The following NCALD variants were observed in gnomAD, a reference collection of about 807,000 sequenced individuals.
The protein encoded by NCALD is neurocalcin-delta.
NCALD carries 10 observed loss-of-function variants against 18.6 expected under a neutral mutation model. The ratio of observed to expected loss-of-function variants is 0.54; its 90% CI spans 0.33 to 0.91. The LOEUF (loss-of-function observed/expected upper bound fraction) is 0.91. Ranked by LOEUF, NCALD falls within the 40% of genes least tolerant of loss-of-function variation. The pLI, the probability that NCALD is intolerant of heterozygous loss-of-function variation, is 0.03. For missense variants in NCALD, 184 were observed against 247.6 expected, an observed-to-expected ratio of 0.74 and a Z score of 1.72; for synonymous variants, 88 against 87.4, an observed-to-expected ratio of 1.01 and a Z score of -0.04.
chr8:101,844,241 C>T (rs1814772366), intron 4 of NCALD, among the ~76,000 whole-genome samples: 1 of 152,178 alleles, frequency 6.6e-6, no homozygotes, highest in African/African-American at 2.4e-5. Context: ...TCCACTTTCC[C>T]TTGAGTTCCG....
rs73293354 is a variant in NCALD at position 101,987,302 on chromosome 8, C to T, written c.-157+32935G>A. Among the ~76,000 whole-genome samples, 1,139 of 152,256 alleles carry T rather than the reference C, an allele frequency of 7.5e-3. 16 individuals are homozygous for T. The highest frequency in any genetic ancestry group is 0.026 in the African/African-American group (1,075 of 41,554). ...CACGTTTGATTAATGTTTTTAAAGC[C>T]AATTTTTCCTGTGAAGAGTGACCTA... On this transcript the variant is annotated intron_variant, in intron 2 of 6. Coordinates refer to the NCALD transcript ENST00000311028.
chr8:101,809,202 T>G (rs1266868617), intron 4 of NCALD, among the ~76,000 whole-genome samples: 1 of 152,202 alleles, frequency 6.6e-6, no homozygotes, highest in Non-Finnish European at 1.5e-5. Context: ...ATGCAAAGAC[T>G]GTTTAAAGTC....
chr8:101,917,427 C>T (rs1042323081), intron 2 of NCALD, among the ~76,000 whole-genome samples: 3 of 151,846 alleles, frequency 2.0e-5, no homozygotes, highest in African/African-American at 7.3e-5. Context: ...CCTAGAGGAT[C>T]TAGAAAAACA....
chr8:102,110,404 G>C (rs1825606963), intron 1 of NCALD, among the ~76,000 whole-genome samples: 1 of 152,316 alleles, frequency 6.6e-6, no homozygotes, highest in Non-Finnish European at 1.5e-5. Flanking sequence ...GCTTAGGACA[G>C]TCCCTATTTC....
At chr8:101,821,794 G>C (rs1813726116) in intron 4 of NCALD, among the ~76,000 whole-genome samples, 1 of 146,814 alleles carries the variant, frequency 6.8e-6, no homozygotes, top group South Asian at 2.1e-4. Flanking sequence ...CTTTGTAGCA[G>C]CACTACAAAT....
chr8:102,033,050 C>A (rs1315554997), intron 1 of NCALD, among the ~76,000 whole-genome samples: 1 of 152,194 alleles, frequency 6.6e-6, no homozygotes, highest in Non-Finnish European at 1.5e-5. Flanking sequence ...GGGAAATAAA[C>A]ATTTCCTGTG....
At chr8:101,993,196 G>T (rs1821114980) in intron 2 of NCALD, among the ~76,000 whole-genome samples, 1 of 150,936 alleles carries the variant, frequency 6.6e-6, no homozygotes, top group Admixed American at 6.6e-5. Flanking sequence ...TTTCCAGAAT[G>T]TGTAGCCCTG....
At chr8:101,805,608 T>A (rs1263787228) in intron 4 of NCALD, among the ~76,000 whole-genome samples, 1 of 152,190 alleles carries the variant, frequency 6.6e-6, no homozygotes, top group Non-Finnish European at 1.5e-5. Flanking sequence ...TTTTCCCAGA[T>A]GGAGAGGCCG....
intron 4 of NCALD, among the ~76,000 whole-genome samples, chr8:101,830,990 G>A (rs1362712464): frequency 6.6e-6 from 1 of 152,078 alleles, no homozygotes; most frequent in Admixed American, 6.5e-5. Flanking sequence ...AGGGCACTTG[G>A]ATCCTCTGAA....
intron 2 of NCALD, among the ~76,000 whole-genome samples, chr8:101,704,660 T>C (rs985058698): frequency 1.3e-5 from 2 of 152,124 alleles, no homozygotes; most frequent in African/African-American, 4.8e-5. Context: ...TTCATGCCTG[T>C]AATCCCAGCA....
At chr8:101,924,848 G>A (rs1043162042) in intron 2 of NCALD, among the ~76,000 whole-genome samples, 1 of 152,162 alleles carries the variant, frequency 6.6e-6, no homozygotes, top group Non-Finnish European at 1.5e-5. Context: ...GATTCATCTA[G>A]TTCTTTCCAT....
At chr8:102,044,403 T>C (rs1823164777) in intron 1 of NCALD, among the ~76,000 whole-genome samples, 1 of 149,714 alleles carries the variant, frequency 6.7e-6, no homozygotes, top group South Asian at 2.1e-4. Context: ...TCTACAGGCA[T>C]GAGAAGGGTG....
chr8:102,068,242 C>G (rs1246267331), intron 1 of NCALD, among the ~76,000 whole-genome samples: 1 of 152,192 alleles, frequency 6.6e-6, no homozygotes, highest in Non-Finnish European at 1.5e-5. Context: ...CGCGCTCCCC[C>G]ACTTAACCCT....
intron 4 of NCALD, among the ~76,000 whole-genome samples, chr8:101,858,979 AT>A (rs1020350945): frequency 5.3e-5 from 8 of 152,198 alleles, no homozygotes; most frequent in Non-Finnish European, 2.9e-5. Flanking sequence ...TGTCAACTTG[AT>A]TGGATTGAAG....
intron 1 of NCALD, among the ~76,000 whole-genome samples, chr8:102,112,807 T>C (rs1357253799): frequency 6.6e-6 from 1 of 152,092 alleles, no homozygotes; most frequent in African/African-American, 2.4e-5. Context: ...ATTAGTTCAG[T>C]GGAGAGCTGA....
intron 1 of NCALD, among the ~76,000 whole-genome samples, chr8:102,037,389 T>C (rs1563563379): frequency 7.2e-6 from 1 of 139,664 alleles, no homozygotes; most frequent in East Asian, 2.0e-4. Context: ...ACAATTATAC[T>C]ATAGAATATT....
intron 1 of NCALD, among the ~76,000 whole-genome samples, chr8:102,061,183 C>T (rs1273805756): frequency 6.6e-6 from 1 of 152,206 alleles, no homozygotes. Flanking sequence ...TACAGAATGA[C>T]CATCTGCAGA....
chr8:101,940,776 G>GA (rs143591193), intron 2 of NCALD, among the ~76,000 whole-genome samples: 3,776 of 152,100 alleles, frequency 0.025, 115 homozygotes, highest in African/African-American at 0.067. Context: ...GCCAATGAAT[G>GA]AAAAAAACAG....
chr8:101,703,207 G>T (rs1815352081), intron 2 of NCALD, among the ~76,000 whole-genome samples: 1 of 148,846 alleles, frequency 6.7e-6, no homozygotes, highest in Non-Finnish European at 1.5e-5. Flanking sequence ...CATGAGATTT[G>T]TCTTCCCAGT....
Sources: gnomAD v4.1 joint callset for allele counts (sites outside exome capture counted in the v4.1 genomes callset) on GRCh38, gnomAD v4.1.1 for gene constraint, MANE v1.5 for transcripts, NCBI Gene and HGNC (gene_info 2026-07-23, HGNC 2026-07-21) for gene names.